Variants in SUSD4 observed in about 807,000 individuals in gnomAD.
SUSD4 encodes the protein sushi domain-containing protein 4.
In SUSD4, 41 loss-of-function variants were observed where a neutral mutation model predicts 50.5. That is an observed-to-expected ratio of 0.81 (90% CI 0.63 to 1.05). SUSD4 has a LOEUF of 1.05. Among genes scored for constraint, SUSD4 ranks in the 50% least tolerant of loss-of-function variants. The pLI is 0.00. For missense variants in SUSD4, 580 were observed against 634.7 expected, an observed-to-expected ratio of 0.91 and a Z score of 0.93; for synonymous variants, 257 against 257.3, an observed-to-expected ratio of 1.00 and a Z score of 0.01.
At chr1:223,305,799 G>A (rs1157220073) in intron 2 of SUSD4, among the ~76,000 whole-genome samples, 1 of 152,184 alleles carries the variant, frequency 6.6e-6, no homozygotes, top group Non-Finnish European at 1.5e-5. Flanking sequence ...ATGGGAATGA[G>A]TTGGGGGATG....
chr1:223,306,239 G>T (rs1665527835), intron 2 of SUSD4, among the ~76,000 whole-genome samples: 1 of 152,116 alleles, frequency 6.6e-6, no homozygotes, highest in Non-Finnish European at 1.5e-5. Context: ...CTCATAATGT[G>T]ATTTTCACTC....
At position 223,221,127 on chromosome 1, in the gene SUSD4, T is replaced by C. The variant is rs1041467282; in HGVS notation, c.*1065A>G. The C allele has an allele frequency of 3.0e-5, 12 of 400,728 alleles. No homozygotes were observed. The highest frequency in any genetic ancestry group is 1.2e-4 in the African/African-American group (6 of 48,720). The allele number at this position is 400,728 out of a possible 1,614,324, so 24.8% of individuals were successfully genotyped here. On this transcript the variant is annotated 3_prime_UTR_variant, in exon 9 of 9. Coordinates refer to ENST00000366878, the MANE Select transcript of SUSD4 (RefSeq NM_017982.4). ...TGATAGGCAGGTGAGGTGGCTGAGCTATCTGGGCTGGGAGGCCAGCCTCCT... is the reference window on the plus strand; with the variant it reads ...TGATAGGCAGGTGAGGTGGCTGAGCCATCTGGGCTGGGAGGCCAGCCTCCT...
chr1:223,266,857 G>A (rs956579955), intron 4 of SUSD4, among the ~76,000 whole-genome samples: 1 of 152,216 alleles, frequency 6.6e-6, no homozygotes, highest in African/African-American at 2.4e-5. Context: ...CCTATGGTGT[G>A]CCAGGCAAGC....
chr1:223,308,613 A>G (rs1285360900), intron 2 of SUSD4, among the ~76,000 whole-genome samples: 1 of 152,242 alleles, frequency 6.6e-6, no homozygotes, highest in Non-Finnish European at 1.5e-5. Context: ...AAAATTACAG[A>G]ATGTTATTGC....
chr1:223,303,937 A>T (rs1665350228), intron 2 of SUSD4, among the ~76,000 whole-genome samples: 1 of 152,250 alleles, frequency 6.6e-6, no homozygotes, highest in Admixed American at 6.5e-5. Context: ...GATTAGCAAG[A>T]TATTAATCAG....
chr1:223,251,429 A>C (rs1190323336), intron 5 of SUSD4, among the ~76,000 whole-genome samples: 1 of 152,192 alleles, frequency 6.6e-6, no homozygotes, highest in Non-Finnish European at 1.5e-5. Context: ...TAAGCCCTTC[A>C]TGAGGGATCC....
At chr1:223,289,147 G>A (rs1479456076) in intron 3 of SUSD4, 1 of 985,266 alleles carries the variant, frequency 1.0e-6, no homozygotes, top group African/African-American at 1.7e-5. Flanking sequence ...TGCGCCCACG[G>A]GGTGTATTTT....
At chr1:223,359,015 G>A (rs1295332724) in intron 2 of SUSD4, 20 of 470,662 alleles carry the variant, frequency 4.2e-5, no homozygotes, top group South Asian at 7.7e-5. Flanking sequence ...GCACTACAGC[G>A]ACATGAACCA....
intron 3 of SUSD4, among the ~76,000 whole-genome samples, chr1:223,276,451 T>C (rs1008406377): frequency 1.3e-5 from 2 of 152,148 alleles, no homozygotes; most frequent in African/African-American, 4.8e-5. Flanking sequence ...GGGGGCTTGG[T>C]TGCACAGGCT....
chr1:223,317,328 A>T (rs1666260109), intron 2 of SUSD4, among the ~76,000 whole-genome samples: 1 of 152,248 alleles, frequency 6.6e-6, no homozygotes, highest in South Asian at 2.1e-4. Flanking sequence ...AAGGGGAAGC[A>T]TGAATAATCC....
At chr1:223,308,223 T>C (rs1330619825) in intron 2 of SUSD4, among the ~76,000 whole-genome samples, 1 of 152,128 alleles carries the variant, frequency 6.6e-6, no homozygotes, top group Non-Finnish European at 1.5e-5. Context: ...GGTGATTGGA[T>C]CATGGGGTTG....
intron 2 of SUSD4, among the ~76,000 whole-genome samples, chr1:223,320,401 C>T (rs1253578016): frequency 6.6e-6 from 1 of 151,996 alleles, no homozygotes. Flanking sequence ...TAGAACAAGA[C>T]CAGGACACTA....
intron 5 of SUSD4, among the ~76,000 whole-genome samples, chr1:223,262,499 C>A (rs1662193272): frequency 6.6e-6 from 1 of 152,174 alleles, no homozygotes; most frequent in Non-Finnish European, 1.5e-5. Flanking sequence ...ATAACTAAGG[C>A]ACCATCTTTT....
intron 7 of SUSD4, among the ~76,000 whole-genome samples, chr1:223,225,642 C>T (rs1394322062): frequency 6.6e-6 from 1 of 152,190 alleles, no homozygotes; most frequent in East Asian, 1.9e-4. Context: ...CTGTCTTGTG[C>T]TGGCCTCCTC....
chr1:223,359,306 T>C (rs908125108), intron 2 of SUSD4, among the ~76,000 whole-genome samples: 5 of 152,254 alleles, frequency 3.3e-5, no homozygotes, highest in African/African-American at 1.2e-4. Context: ...GCAGGTATAC[T>C]ATATTCCAGA....
At position 223,227,169 on chromosome 1, in the gene SUSD4, T is replaced by C. The variant is rs558436941; in HGVS notation, c.1061+425A>G. ...CTGAGGCTTCTCAATGCATAACACT[T>C]TTGTTCACACACCTCTGACCTGTGT... On this transcript the variant is annotated intron_variant, in intron 7 of 8. Transcript: ENST00000366878. This position sits in a 1 kb window ranked among gnomAD's most constrained non-coding sequence, Gnocchi z 4.5. Among the ~76,000 whole-genome samples, 54 of 152,260 alleles carry C rather than the reference T, an allele frequency of 3.5e-4. No homozygotes were observed. Among genetic ancestry groups the C allele is most frequent in the Admixed American group, 2.5e-3 (38 of 15,292 alleles).
intron 5 of SUSD4, among the ~76,000 whole-genome samples, chr1:223,230,936 T>C (rs1659854181): frequency 6.6e-6 from 1 of 152,110 alleles, no homozygotes; most frequent in Admixed American, 6.5e-5. Context: ...ACTGTGATTA[T>C]TCAGGGAAAA....
intron 2 of SUSD4, among the ~76,000 whole-genome samples, chr1:223,343,441 T>C (rs1256407410): frequency 2.0e-5 from 3 of 152,172 alleles, no homozygotes; most frequent in African/African-American, 4.8e-5. Flanking sequence ...CCAGTGCATG[T>C]GCAGCACGAT....
chr1:223,283,566 A>G (rs1019132557), intron 3 of SUSD4, among the ~76,000 whole-genome samples: 1 of 152,224 alleles, frequency 6.6e-6, no homozygotes, highest in Non-Finnish European at 1.5e-5. Flanking sequence ...GTGATCATTA[A>G]AAAGTCAGGA....
Sources: gnomAD v4.1 joint callset for allele counts (sites outside exome capture counted in the v4.1 genomes callset) on GRCh38, gnomAD v4.1.1 for gene constraint, Gnocchi (gnomAD v3.1) non-coding constraint, MANE v1.5 for transcripts, NCBI Gene and HGNC (gene_info 2026-07-23, HGNC 2026-07-21) for gene names.